The following MARF1 variants were observed in gnomAD, a reference collection of about 807,000 sequenced individuals.
The protein encoded by MARF1 is meiosis regulator and mRNA stability factor 1.
Under a neutral mutation model 168.2 loss-of-function variants are expected in MARF1, and 24 were observed. The observed-to-expected ratio is 0.14, with a 90% CI of 0.10 to 0.20. MARF1 has a LOEUF of 0.20. MARF1 is among the 10% of genes least tolerant of loss of function. The probability of loss-of-function intolerance (pLI) is 1.00; values close to 1 mark genes in which losing one functional copy is unlikely to be tolerated. For missense variants in MARF1, 1,744 were observed against 2,143.6 expected (o/e 0.81, Z 3.68); for synonymous variants, 868 against 822.4 (o/e 1.06, Z -0.95).
At chr16:15,606,307 C>A (rs149347275) in intron 21 of MARF1, among the ~76,000 whole-genome samples, 1 of 152,284 alleles carries the variant, frequency 6.6e-6, no homozygotes, top group East Asian at 1.9e-4. Context: ...TCATCCCATG[C>A]CTTTTCCTGA....
chr16:15,641,592 C>T (rs2035965031), intron 1 of MARF1, among the ~76,000 whole-genome samples: 1 of 152,108 alleles, frequency 6.6e-6, no homozygotes, highest in Admixed American at 6.6e-5. Context: ...CAGGCCTGTG[C>T]TTGGCACAAG....
In MARF1 at chr16:15,636,081, A is replaced by C; in HGVS notation, c.406T>G (p.Leu136Val). ...TSSLIHPGAL[L>V]DSQSTRTITC... ...ATTGTCCTGGTGCTTTGCGAGTCTAACAGTGCGCCCGGGTGAATCAAGCTA... is the reference window on the plus strand; with the variant it reads ...ATTGTCCTGGTGCTTTGCGAGTCTACCAGTGCGCCCGGGTGAATCAAGCTA... The change falls in exon 3 of 27, where the codon TTA becomes GTA. Residue 136 changes from leucine to valine, a missense_variant. Coordinates refer to ENST00000396368, the MANE Select transcript of MARF1 (RefSeq NM_014647.4). 1 of 1,614,248 alleles carries C rather than the reference A, an allele frequency of 6.2e-7. No individual in the cohort carries two copies. Among genetic ancestry groups the C allele is most frequent in the Non-Finnish European group, 8.5e-7 (1 of 1,180,046 alleles).
rs539912172 is a variant in MARF1, at chr16:15,623,053, C to T, written c.2341G>A (p.Ala781Thr). The T allele has an allele frequency of 1.1e-5, 17 of 1,610,930 alleles. No homozygotes were observed. Among genetic ancestry groups the T allele is most frequent in the Non-Finnish European group, 1.4e-5 (16 of 1,177,346 alleles). The change falls in exon 11 of 27, where the codon GCC (alanine) becomes ACC (threonine). Residue 781 changes from alanine to threonine, a missense_variant. Transcript: ENST00000396368. ...AFNIANSSSEADCPDPFANGA... is the reference protein window; with the variant it reads ...AFNIANSSSETDCPDPFANGA... ...TTTGCAAATGGGTCTGGGCAGTCGGCTTCGCTGCTCGAATTTGCAATGTTG... is the reference window on the plus strand; with the variant it reads ...TTTGCAAATGGGTCTGGGCAGTCGGTTTCGCTGCTCGAATTTGCAATGTTG...
chr16:15,598,983 C>T lies in MARF1; in HGVS notation c.4855G>A (p.Asp1619Asn), dbSNP rs374000108. Residue 1619 changes from aspartate to asparagine, a missense_variant, in exon 26 of 27, where the codon GAC (aspartate) becomes AAC (asparagine). Coordinates refer to ENST00000396368, the MANE Select transcript of MARF1 (RefSeq NM_014647.4). ...TEQELLRLTD[D>N]SPVDLLCAPV... ...GCACACAGGAGGTCGACGGGGGAGT[C>T]GTCGGTCAGGCGGAGAAGCTCCTGC... 3.7e-6 allele frequency: 6 copies of T among 1,611,460 alleles called. No homozygotes were observed. The highest frequency in any genetic ancestry group is 5.1e-6 in the Non-Finnish European group (6 of 1,178,990).
chr16:15,637,085 G>C (rs2035647354), intron 2 of MARF1, among the ~76,000 whole-genome samples: 1 of 152,214 alleles, frequency 6.6e-6, no homozygotes, highest in Non-Finnish European at 1.5e-5. Flanking sequence ...AGAGACCTGG[G>C]TTAGAATCTG....
intron 18 of MARF1, 42 bp from the exon 19 acceptor site, chr16:15,611,150 C>A (rs760117156): frequency 6.3e-6 from 10 of 1,597,494 alleles, no homozygotes; most frequent in Non-Finnish European, 8.6e-6. Context: ...TGAGTAGTAT[C>A]ATCGGTAGAA....
chr16:15,598,798 C>A, intron 26 of MARF1, 56 bp downstream of exon 26: 2 of 1,524,912 alleles, frequency 1.3e-6, no homozygotes, highest in East Asian at 4.5e-5. Context: ...AGTATCTCAT[C>A]GTGGTTTTGT....
In MARF1 at chr16:15,617,544, A is replaced by G; in HGVS notation, c.2721-9T>C. 6.3e-7 allele frequency: 1 copy of G among 1,578,110 alleles called. No individual in the cohort carries two copies. Among genetic ancestry groups the G allele is most frequent in the Non-Finnish European group, 8.7e-7 (1 of 1,153,152 alleles). On this transcript the variant is annotated splice_polypyrimidine_tract_variant and intron_variant, in intron 13 of 26. Coordinates refer to ENST00000396368, the MANE Select transcript of MARF1 (RefSeq NM_014647.4). ...TCAACTTGTGTCCAAACCTAAAAGCAAGAGAAGAGAGACGCTGACTTAGAA... is the reference window on the plus strand; with the variant it reads ...TCAACTTGTGTCCAAACCTAAAAGCGAGAGAAGAGAGACGCTGACTTAGAA...
intron 5 of MARF1, among the ~76,000 whole-genome samples, chr16:15,632,376 G>C (rs957653961): frequency 3.3e-5 from 5 of 152,086 alleles, no homozygotes; most frequent in African/African-American, 1.2e-4. Flanking sequence ...TTTCTGTTTT[G>C]TTTTGTTTTG....
intron 11 of MARF1, among the ~76,000 whole-genome samples, chr16:15,622,332 C>T (rs1163111421): frequency 6.6e-6 from 1 of 151,874 alleles, no homozygotes; most frequent in African/African-American, 2.4e-5. Flanking sequence ...AGAATCCTAC[C>T]TGTATTTCAG....
In MARF1 at chr16:15,625,355, A is replaced by G. The variant is rs1206280195; in HGVS notation, c.1953+17T>C. 1.3e-6 allele frequency: 2 copies of G among 1,588,058 alleles called. No individual in the cohort carries two copies. Among genetic ancestry groups the G allele is most frequent in the Non-Finnish European group, 1.7e-6 (2 of 1,168,186 alleles). ...AACCTACCATAAACTTCAGAAAGCA[A>G]GAGGTATCAAAATTACCTGTAAACT... On this transcript the variant is annotated intron_variant, in intron 8 of 26. Transcript: ENST00000396368.
intron 21 of MARF1, chr16:15,605,898 AC>A (rs1204647063): frequency 1.3e-5 from 2 of 151,852 alleles, no homozygotes; most frequent in African/African-American, 4.9e-5. Flanking sequence ...ACCTGAGTCC[AC>A]CCCTTTCATC....
chr16:15,605,352 T>C (rs1386677564), intron 21 of MARF1, among the ~76,000 whole-genome samples: 2 of 152,170 alleles, frequency 1.3e-5, no homozygotes, highest in Non-Finnish European at 2.9e-5. Context: ...GAGAGGTGGG[T>C]GGCACTTGAG....
chr16:15,602,305 G>A (rs1045699609), intron 22 of MARF1, 102 bp from the exon 23 acceptor site: 8 of 868,108 alleles, frequency 9.2e-6, no homozygotes, highest in East Asian at 7.3e-5. Context: ...AGTTGAAGAC[G>A]AAGACAAAGA....
rs751737939 is a variant in MARF1, at chr16:15,600,550, C to G, written c.4691G>C (p.Arg1564Pro). The change falls in exon 25 of 27, where the codon CGT becomes CCT. Residue 1564 changes from arginine (R) to proline (P), a missense_variant. Coordinates refer to ENST00000396368, the MANE Select transcript of MARF1 (RefSeq NM_014647.4). ...IVVLKNDMKSRLSSLSLSPAN... is the reference protein window; with the variant it reads ...IVVLKNDMKSPLSSLSLSPAN... ...AGGGGAGAGACTGAGTGAACTCAAA[C>G]GACCTACAGGACAAAGAGCACCCGT... The G allele has an allele frequency of 1.2e-6, 2 of 1,614,146 alleles. No homozygotes were observed. The highest frequency in any genetic ancestry group is 1.3e-5 in the African/African-American group (1 of 75,032).
At chr16:15,600,753 G>A (rs768415051) in intron 23 of MARF1, 52 bp from the exon 24 acceptor site, 1 of 1,586,652 alleles carries the variant, frequency 6.3e-7, no homozygotes, top group Non-Finnish European at 8.7e-7. Context: ...GGGGACAGAA[G>A]CCCTAACATT....
At chr16:15,623,272 ATCT>A (rs1176930562) in intron 10 of MARF1, 149 bp from the exon 11 acceptor site, 5 of 288,086 alleles carry the variant, frequency 1.7e-5, no homozygotes, top group Non-Finnish European at 2.8e-5. Flanking sequence ...TGTGTTTTTA[ATCT>A]TTTTTTTTTT....
rs534691452 is a variant in MARF1, at chr16:15,595,351, G to A, written c.*1342C>T. On this transcript the variant is annotated 3_prime_UTR_variant, in exon 27 of 27. Transcript: ENST00000396368. ...GAGTCCATTTTCTGGCTTTCTAGAA[G>A]TTACCAAATATAAACATTTCCCCAA... The A allele has an allele frequency of 3.3e-5, 5 of 152,702 alleles. No homozygotes were observed. Among genetic ancestry groups the A allele is most frequent in the African/African-American group, 9.6e-5 (4 of 41,546 alleles). The allele number at this position is 152,702 out of a possible 1,614,324, so 9.5% of individuals were successfully genotyped here.
intron 17 of MARF1, 23 bp downstream of exon 17, chr16:15,612,534 A>G (rs745446229): frequency 3.1e-6 from 5 of 1,592,244 alleles, no homozygotes; most frequent in Non-Finnish European, 4.3e-6. Flanking sequence ...CCTGTAAACA[A>G]GTAATCCCGT....
Sources: allele counts gnomAD v4.1 joint callset (sites outside exome capture counted in the v4.1 genomes callset), GRCh38; gene constraint gnomAD v4.1.1; transcripts MANE v1.5; gene names NCBI Gene and HGNC (gene_info 2026-07-23, HGNC 2026-07-21).